Variants in DLC1 observed in about 807,000 individuals in gnomAD.
DLC1 encodes the protein rho GTPase-activating protein 7.
In DLC1, 54 loss-of-function variants were observed where a neutral mutation model predicts 140.3. The ratio of observed to expected loss-of-function variants is 0.38; its 90% confidence interval spans 0.31 to 0.48. DLC1 has a LOEUF of 0.48. Ranked by LOEUF, DLC1 falls within the 20% of genes least tolerant of loss-of-function variation. The probability of loss-of-function intolerance (pLI) is 0.96; values close to 1 mark genes in which losing one functional copy is unlikely to be tolerated. For missense variants in DLC1, 2,536 were observed against 1,907.0 expected, an observed-to-expected ratio of 1.33 and a Z score of -6.14; for synonymous variants, 986 against 728.1, an observed-to-expected ratio of 1.35 and a Z score of -5.70.
chr8:13,099,187 T>C (rs771119160), intron 9 of DLC1, among the ~76,000 whole-genome samples, 160 bp downstream of exon 9: 2 of 152,174 alleles, frequency 1.3e-5, no homozygotes, highest in African/African-American at 2.4e-5. Flanking sequence ...ATCCTATCGA[T>C]TTCTTTGAAT....
intron 5 of DLC1, among the ~76,000 whole-genome samples, chr8:13,157,074 C>A (rs1298493192): frequency 2.0e-5 from 3 of 152,168 alleles, no homozygotes; most frequent in Admixed American, 2.0e-4. Context: ...CTTTTTGGAA[C>A]TTTGTCATGC....
Position 13,186,272 on chromosome 8 carries a change from C to T in DLC1, c.1349-70615G>A, listed in dbSNP as rs189075300. Among the ~76,000 whole-genome samples, 555 of 152,308 alleles carry T rather than the reference C, an allele frequency of 3.6e-3. 8 individuals carry two copies. The highest frequency in any genetic ancestry group is 7.1e-4 in the Non-Finnish European group (48 of 68,036). ...CAATTTGGTTCCATTCTGCCCATCA[C>T]TTTCGGGTACACCAATCAAACGCAG... On this transcript the variant is annotated intron_variant, in intron 5 of 17. Transcript: ENST00000276297.
At chr8:13,430,956 A>G (rs1007154478) in intron 2 of DLC1, among the ~76,000 whole-genome samples, 1 of 152,230 alleles carries the variant, frequency 6.6e-6, no homozygotes, top group African/African-American at 2.4e-5. Context: ...TATCCTATGA[A>G]GTCGCATGAA....
chr8:13,540,100 A>T (rs991677912), intron 1 of DLC1, among the ~76,000 whole-genome samples: 2 of 152,198 alleles, frequency 1.3e-5, no homozygotes, highest in Admixed American at 6.5e-5. Context: ...AATCACATAG[A>T]TTCTGAGAAT....
chr8:13,527,606 G>T (rs1802960012), intron 1 of DLC1, among the ~76,000 whole-genome samples: 1 of 152,096 alleles, frequency 6.6e-6, no homozygotes, highest in South Asian at 2.1e-4. Context: ...TACTATGGAT[G>T]ATTTGAATTA....
At chr8:13,341,173 AC>A (rs1834026797) in intron 4 of DLC1, 1 of 152,228 alleles carries the variant, frequency 6.6e-6, no homozygotes, top group Non-Finnish European at 1.5e-5. Context: ...TGAGCAAAAA[AC>A]ACCAATAACA....
intron 2 of DLC1, among the ~76,000 whole-genome samples, chr8:13,408,334 A>C (rs946249621): frequency 6.6e-6 from 1 of 152,248 alleles, no homozygotes; most frequent in East Asian, 1.9e-4. Flanking sequence ...ATCATTAATT[A>C]GCGATCATGG....
intron 1 of DLC1, among the ~76,000 whole-genome samples, chr8:13,598,309 C>T (rs1805749002): frequency 6.6e-6 from 1 of 151,746 alleles, no homozygotes; most frequent in African/African-American, 2.4e-5. Flanking sequence ...TCTAGGGTTG[C>T]CCTGTGCTGA....
At chr8:13,412,497 AACTT>A (rs1837823680) in intron 2 of DLC1, among the ~76,000 whole-genome samples, 1 of 152,142 alleles carries the variant, frequency 6.6e-6, no homozygotes, top group Non-Finnish European at 1.5e-5. Flanking sequence ...AACTGGAAAT[AACTT>A]ACTATCAATA....
intron 4 of DLC1, among the ~76,000 whole-genome samples, chr8:13,374,851 TG>T (rs1418868132): frequency 6.6e-6 from 1 of 152,180 alleles, no homozygotes; most frequent in Non-Finnish European, 1.5e-5. Context: ...TTCATTTGTT[TG>T]TGTTCTCTTC....
chr8:13,455,114 TCA>T (rs1373677651), intron 2 of DLC1, among the ~76,000 whole-genome samples: 5 of 152,178 alleles, frequency 3.3e-5, no homozygotes, highest in Non-Finnish European at 7.3e-5. Context: ...TGTTCATAAC[TCA>T]CACTTTTCAT....
intron 1 of DLC1, among the ~76,000 whole-genome samples, chr8:13,506,182 C>T (rs1028652544): frequency 6.6e-6 from 1 of 151,902 alleles, no homozygotes; most frequent in South Asian, 2.1e-4. Context: ...CATATATACA[C>T]ATATGTATAC....
intron 5 of DLC1, among the ~76,000 whole-genome samples, chr8:13,133,907 C>G (rs1822352452): frequency 6.6e-6 from 1 of 152,148 alleles, no homozygotes; most frequent in Non-Finnish European, 1.5e-5. Context: ...CTAAAACCCG[C>G]ATGGGTACGG....
chr8:13,447,341 G>A (rs535950235), intron 2 of DLC1, among the ~76,000 whole-genome samples: 14 of 152,216 alleles, frequency 9.2e-5, no homozygotes, highest in Middle Eastern at 3.4e-3. Flanking sequence ...TAAGGCATAC[G>A]ATTTATGACA....
intron 3 of DLC1, among the ~76,000 whole-genome samples, chr8:13,399,042 A>T (rs749247555): frequency 3.3e-5 from 5 of 152,164 alleles, no homozygotes; most frequent in Non-Finnish European, 7.4e-5. Context: ...GATACTGCAG[A>T]ACAGCAGGGG....
chr8:13,128,610 A>T (rs1653810851), intron 5 of DLC1, among the ~76,000 whole-genome samples: 1 of 152,224 alleles, frequency 6.6e-6, no homozygotes, highest in Non-Finnish European at 1.5e-5. Flanking sequence ...AGGCGGGCGG[A>T]TCACGAGGTC....
chr8:13,399,862 G>A (rs1443585752), intron 3 of DLC1, among the ~76,000 whole-genome samples: 1 of 152,082 alleles, frequency 6.6e-6, no homozygotes, highest in Non-Finnish European at 1.5e-5. Flanking sequence ...GGGTAGGGGG[G>A]CGGTGAGTGT....
In DLC1 at chr8:13,100,406, T is replaced by C. The variant is rs777616383; in HGVS notation, c.1931A>G (p.Lys644Arg). ...GCTGAAGCTGAAGCTGGACAGTTCC[T>C]TGGGAGAGGGCAGGCTGCCGAAAGA... ...DDSFGSLPSP[K>R]ELSSFSFSMK... The change falls in exon 9 of 18, where the codon AAG (lysine) becomes AGG (arginine). Residue 644 changes from lysine (K) to arginine (R), a missense_variant. Transcript: ENST00000276297. 4 of 1,614,154 alleles carry C rather than the reference T, an allele frequency of 2.5e-6. No homozygotes were observed. Among genetic ancestry groups the C allele is most frequent in the East Asian group, 4.5e-5 (2 of 44,866 alleles).
chr8:13,132,944 G>C, intron 5 of DLC1: 1 of 1,608,578 alleles, frequency 6.2e-7, no homozygotes, highest in Non-Finnish European at 8.5e-7. Flanking sequence ...TCTAGCTTAC[G>C]TGTTAGGATC....
Sources: gnomAD v4.1 joint callset for allele counts (sites outside exome capture counted in the v4.1 genomes callset) on GRCh38, gnomAD v4.1.1 for gene constraint, MANE v1.5 for transcripts, NCBI Gene and HGNC (gene_info 2026-07-23, HGNC 2026-07-21) for gene names.